The following SYNE2 variants were observed in gnomAD, a reference collection of about 807,000 sequenced individuals.
The protein encoded by SYNE2 is spectrin repeat containing nuclear envelope protein 2.
SYNE2 carries 431 observed loss-of-function variants against 856.3 expected under a neutral mutation model. That is an observed-to-expected ratio of 0.50 (90% CI 0.47 to 0.55). The LOEUF (loss-of-function observed/expected upper bound fraction) is 0.55. SYNE2 is among the 20% of genes least tolerant of loss of function. The pLI is 0.00. For synonymous variants in SYNE2, 2,923 were observed against 2,872.3 expected, an observed-to-expected ratio of 1.02 and a Z score of -0.56; for missense variants, 8,129 against 8,023.2, an observed-to-expected ratio of 1.01 and a Z score of -0.50.
At chr14:63,828,862 C>T (rs1257915525) in intron 1 of SYNE2, among the ~76,000 whole-genome samples, 1 of 152,088 alleles carries the variant, frequency 6.6e-6, no homozygotes, top group Non-Finnish European at 1.5e-5. Flanking sequence ...TCGTGTGTTT[C>T]TGAAACCAAT....
At position 63,896,083 on chromosome 14, in the gene SYNE2, A is replaced by G. The variant is rs542584774; in HGVS notation, c.-51-13015A>G. ...ACTTATTTTCTATAAAGTCATTTGT[A>G]GTTGCTAGAGATCGGCTGTAGCAGC... On this transcript the variant is annotated intron_variant, in intron 1 of 115. Coordinates refer to ENST00000555002, the MANE Select transcript of SYNE2 (RefSeq NM_182914.3). Among the ~76,000 whole-genome samples, 453 of 152,326 alleles carry G rather than the reference A, an allele frequency of 3.0e-3. 1 individual carries two copies. Among genetic ancestry groups the G allele is most frequent in the Non-Finnish European group, 4.9e-3 (333 of 68,022 alleles).
At chr14:63,772,969 G>C (rs747659244) in intron 1 of SYNE2, among the ~76,000 whole-genome samples, 13 of 151,634 alleles carry the variant, frequency 8.6e-5, no homozygotes, top group Non-Finnish European at 1.8e-4. Flanking sequence ...AGTAAAATGG[G>C]GTTTCACCAT....
chr14:63,920,215 A>G (rs12883526), intron 2 of SYNE2, among the ~76,000 whole-genome samples: 3 of 151,878 alleles, frequency 2.0e-5, no homozygotes, highest in Non-Finnish European at 4.4e-5. Context: ...GTAAACTATC[A>G]CAGTATCATG....
chr14:63,918,454 G>T (rs1015538469), intron 2 of SYNE2, among the ~76,000 whole-genome samples: 1 of 152,152 alleles, frequency 6.6e-6, no homozygotes, highest in East Asian at 1.9e-4. Flanking sequence ...ACTACCACCA[G>T]GTATTTTTAT....
In SYNE2 at chr14:63,993,995, C is replaced by CT. The variant is rs762263798; in HGVS notation, c.2781+28dup. Reference sequence around the variant, plus strand: ...GTAAGAACATGCATATGTTTCTGAACTTACGTTTTTATATGTCTGATCCTG... The same window carrying CT: ...GTAAGAACATGCATATGTTTCTGAACTTTACGTTTTTATATGTCTGATCCTG... On this transcript the variant is annotated intron_variant, in intron 22 of 115. Coordinates refer to ENST00000555002, the MANE Select transcript of SYNE2 (RefSeq NM_182914.3). The CT allele has an allele frequency of 4.3e-6, 7 of 1,611,828 alleles. No homozygotes were observed. In the Admixed American group the frequency reaches 1.0e-4, roughly 23 times the overall value.
chr14:64,004,460 G>T (rs984414376), intron 30 of SYNE2, among the ~76,000 whole-genome samples: 3 of 151,958 alleles, frequency 2.0e-5, no homozygotes, highest in African/African-American at 7.3e-5. Context: ...CCCCCCAGTA[G>T]CTGGGATTAC....
intron 2 of SYNE2, among the ~76,000 whole-genome samples, chr14:63,928,941 G>A (rs1299814920): frequency 6.6e-6 from 1 of 152,116 alleles, no homozygotes; most frequent in Non-Finnish European, 1.5e-5. Context: ...ATATATATTT[G>A]GTCTCTGCCC....
At chr14:63,929,752 CAA>C (rs1468373062) in intron 2 of SYNE2, among the ~76,000 whole-genome samples, 2 of 140,562 alleles carry the variant, frequency 1.4e-5, no homozygotes, top group African/African-American at 5.5e-5. Flanking sequence ...GCCTGGGCGA[CAA>C]GAGTGAAACT....
rs569221464 is a variant in SYNE2 at position 64,074,551 on chromosome 14, C to T, written c.10866+415C>T. Reference sequence around the variant, plus strand: ...ATTTCTTCAGAAGAATCTCCTCTTTCATTCCAGTCCAATAGTGACAGCCCA... The same window carrying T: ...ATTTCTTCAGAAGAATCTCCTCTTTTATTCCAGTCCAATAGTGACAGCCCA... On this transcript the variant is annotated intron_variant, in intron 53 of 115. Coordinates refer to ENST00000555002, the MANE Select transcript of SYNE2 (RefSeq NM_182914.3). Among the ~76,000 whole-genome samples the T allele has an allele frequency of 2.9e-3, 441 of 152,326 alleles. 1 individual carries two copies. The highest frequency in any genetic ancestry group is 6.8e-3 in the Middle Eastern group (2 of 294).
intron 64 of SYNE2, among the ~76,000 whole-genome samples, chr14:64,103,572 A>G (rs533092449): frequency 5.0e-4 from 76 of 152,188 alleles, no homozygotes; most frequent in South Asian, 4.2e-3. Flanking sequence ...CCTCCTGTCC[A>G]GGGCTGACCC....
chr14:64,014,768 G>C (rs1050300340), intron 32 of SYNE2, among the ~76,000 whole-genome samples: 1 of 151,432 alleles, frequency 6.6e-6, no homozygotes, highest in Non-Finnish European at 1.5e-5. Context: ...TTTTCAGAGC[G>C]GTTTTACCAT....
At chr14:64,016,663 AT>A (rs759720975) in intron 33 of SYNE2, 32 bp downstream of exon 33, 1 of 1,456,342 alleles carries the variant, frequency 6.9e-7, no homozygotes, top group Non-Finnish European at 9.6e-7. Context: ...TGCAAATTTA[AT>A]TTTGTTTCCA....
chr14:63,989,008 A>C (rs2096646828), intron 19 of SYNE2, among the ~76,000 whole-genome samples: 1 of 152,198 alleles, frequency 6.6e-6, no homozygotes, highest in South Asian at 2.1e-4. Flanking sequence ...TGAGAAGTGA[A>C]AAGTGGTATC....
chr14:64,065,021 C>T (rs1255974), intron 50 of SYNE2, among the ~76,000 whole-genome samples: 111,622 of 151,850 alleles, frequency 0.74, 43,492 homozygotes, highest in Non-Finnish European at 0.87. Flanking sequence ...CATGCCACCA[C>T]GCCCAGCTAA....
intron 1 of SYNE2, among the ~76,000 whole-genome samples, chr14:63,794,086 C>A (rs1248662330): frequency 6.6e-6 from 1 of 152,092 alleles, no homozygotes; most frequent in Non-Finnish European, 1.5e-5. Flanking sequence ...AAATTATAAA[C>A]ATATATCCTT....
At chr14:63,869,592 C>T (rs1005990259) in intron 1 of SYNE2, among the ~76,000 whole-genome samples, 12 of 146,508 alleles carry the variant, frequency 8.2e-5, no homozygotes, top group Non-Finnish European at 1.5e-4. Context: ...GCTGAGATCG[C>T]GCCACTGCAC....
At chr14:63,965,602 A>C (rs1595914833) in intron 10 of SYNE2, among the ~76,000 whole-genome samples, 1 of 152,310 alleles carries the variant, frequency 6.6e-6, no homozygotes, top group Non-Finnish European at 1.5e-5. Flanking sequence ...CTTTGTCCTG[A>C]ACAAGCTGCA....
At chr14:63,802,525 G>A (rs2139800274) in intron 1 of SYNE2, among the ~76,000 whole-genome samples, 1 of 152,292 alleles carries the variant, frequency 6.6e-6, no homozygotes, top group Middle Eastern at 3.4e-3. Flanking sequence ...TTGGTTGACT[G>A]TTGGGAAGGC....
At chr14:63,829,924 C>T (rs1889605681) in intron 1 of SYNE2, among the ~76,000 whole-genome samples, 1 of 152,068 alleles carries the variant, frequency 6.6e-6, no homozygotes, top group Non-Finnish European at 1.5e-5. Flanking sequence ...CAGACAACAA[C>T]ATTATTTTAA....
Sources: allele counts gnomAD v4.1 joint callset (sites outside exome capture counted in the v4.1 genomes callset), GRCh38; gene constraint gnomAD v4.1.1; transcripts MANE v1.5; gene names NCBI Gene and HGNC (gene_info 2026-07-23, HGNC 2026-07-21).